CC2D2B: variants seen among roughly 807,000 people sequenced by gnomAD.
The protein encoded by CC2D2B is coiled-coil and C2 domain containing 2B, also known as protein CC2D2B.
Under a neutral mutation model 161.2 loss-of-function variants are expected in CC2D2B, and 128 were observed. The observed-to-expected ratio is 0.79, with a 90% confidence interval of 0.69 to 0.92. The LOEUF (loss-of-function observed/expected upper bound fraction) is 0.92, where lower values mean the gene tolerates loss of function less well. CC2D2B is among the 40% of genes least tolerant of loss of function. CC2D2B has a pLI of 0.00. For missense variants in CC2D2B, 1,173 were observed against 1,375.1 expected, an observed-to-expected ratio of 0.85 and a Z score of 2.32; for synonymous variants, 391 against 449.8, an observed-to-expected ratio of 0.87 and a Z score of 1.65.
At chr10:95,932,637 G>T (rs567659711) in intron 6 of CC2D2B, among the ~76,000 whole-genome samples, 4 of 152,114 alleles carry the variant, frequency 2.6e-5, no homozygotes, top group African/African-American at 9.7e-5. Flanking sequence ...CTTAGCTTAC[G>T]AAGTTTAGTT....
intron 8 of CC2D2B, 22 bp from the exon 9 acceptor site, chr10:95,938,775 T>C: frequency 2.8e-6 from 2 of 705,598 alleles, no homozygotes; most frequent in South Asian, 3.1e-5. Context: ...ATTTAATTAC[T>C]ATACTTAAAT....
At chr10:95,921,731 A>C (rs1166834415) in intron 2 of CC2D2B, 6 of 185,758 alleles carry the variant, frequency 3.2e-5, no homozygotes, top group Non-Finnish European at 5.5e-5. Context: ...CGAATATTTG[A>C]AAAGATGTTC....
chr10:95,913,395 C>A, intron 2 of CC2D2B: 1 of 402,654 alleles, frequency 2.5e-6, no homozygotes, highest in Non-Finnish European at 4.9e-6. Flanking sequence ...GCTTCCAAAT[C>A]TTGGCTCTTG....
intron 9 of CC2D2B, among the ~76,000 whole-genome samples, chr10:95,939,526 G>GGTATGTATAT (rs77887450): frequency 0.3 from 46,211 of 151,838 alleles, 7,616 homozygotes; most frequent in Admixed American, 0.41. Flanking sequence ...CTGGGTTATA[G>GGTATGTATAT]GTTTGTATAT....
chr10:96,019,202 G>T lies in CC2D2B; in HGVS notation c.3631-1G>T. 1 of 1,583,326 alleles carries T rather than the reference G, an allele frequency of 6.3e-7. No individual in the cohort carries two copies. Among genetic ancestry groups the T allele is most frequent in the Non-Finnish European group, 8.6e-7 (1 of 1,169,288 alleles). The stretch of plus-strand genomic sequence containing the variant: ...AAATTACTTTCTTTTTTCTCATACA[G>T]GGGCATGTGGCTTATGTAGTAACTC... On this transcript the variant is annotated splice_acceptor_variant, in intron 30 of 34. Transcript: ENST00000646931. LOFTEE classifies it high-confidence loss of function.
At chr10:95,939,685 G>A (rs1014752877) in intron 9 of CC2D2B, among the ~76,000 whole-genome samples, 7 of 152,190 alleles carry the variant, frequency 4.6e-5, no homozygotes, top group South Asian at 2.1e-4. Flanking sequence ...CCATTCTGAT[G>A]TACATAAGTT....
At chr10:95,976,759 T>C (rs933415596) in intron 17 of CC2D2B, among the ~76,000 whole-genome samples, 2 of 152,230 alleles carry the variant, frequency 1.3e-5, no homozygotes, top group Non-Finnish European at 2.9e-5. Flanking sequence ...GATGCTTTTT[T>C]TTGTTTAAGA....
rs761763271 is a variant in CC2D2B, at chr10:96,032,042, T to TAG, written c.*35_*36dup. 9.3e-6 allele frequency: 14 copies of TAG among 1,511,702 alleles called. No individual in the cohort carries two copies. In the African/African-American group the frequency reaches 1.8e-4, roughly 19 times the overall value. 93.6% of individuals were successfully genotyped at this position (1,511,702 alleles called of 1,614,324 possible). On this transcript the variant is annotated 3_prime_UTR_variant, in exon 35 of 35. Coordinates refer to ENST00000646931, the MANE Select transcript of CC2D2B (RefSeq NM_001349008.3). ...CAGAGCAAAGTAAAAGATTGTACTATAGTCCTCTAGTACCAACAAAAACTT... is the reference window on the plus strand; with the variant it reads ...CAGAGCAAAGTAAAAGATTGTACTATAGAGTCCTCTAGTACCAACAAAAACTT...
At chr10:95,926,736 G>A (rs1041933797) in intron 5 of CC2D2B, among the ~76,000 whole-genome samples, 3 of 151,630 alleles carry the variant, frequency 2.0e-5, no homozygotes, top group African/African-American at 7.3e-5. Context: ...CTTTGTCAGC[G>A]GGTTTACAAC....
intron 3 of CC2D2B, 62 bp downstream of exon 3, chr10:95,922,138 A>G (rs1036694308): frequency 4.4e-6 from 4 of 913,022 alleles, no homozygotes; most frequent in Admixed American, 5.2e-5. Flanking sequence ...GATGTAAATG[A>G]TTAATCCTGT....
chr10:95,981,708 G>A (rs1247893802), intron 17 of CC2D2B, among the ~76,000 whole-genome samples: 1 of 152,046 alleles, frequency 6.6e-6, no homozygotes, highest in Non-Finnish European at 1.5e-5. Context: ...CAATATCGAT[G>A]GCAAAGATGA....
At chr10:95,910,870 GTT>G (rs2098505111) in intron 1 of CC2D2B, among the ~76,000 whole-genome samples, 1 of 151,914 alleles carries the variant, frequency 6.6e-6, no homozygotes, top group Non-Finnish European at 1.5e-5. Context: ...GTATCTTGAA[GTT>G]TTTTTCAGTA....
chr10:96,021,483 C>G (rs562424562), intron 32 of CC2D2B: 1 of 152,328 alleles, frequency 6.6e-6, no homozygotes, highest in East Asian at 1.9e-4. Context: ...GAGGGTGGAA[C>G]CCACATGCCA....
At chr10:95,916,649 C>G (rs1359821879) in intron 2 of CC2D2B, among the ~76,000 whole-genome samples, 2 of 152,090 alleles carry the variant, frequency 1.3e-5, no homozygotes, top group Non-Finnish European at 2.9e-5. Flanking sequence ...CATTGAGCCA[C>G]TGGTCATTCA....
intron 9 of CC2D2B, among the ~76,000 whole-genome samples, chr10:95,939,231 C>T (rs1391384194): frequency 6.6e-6 from 1 of 152,084 alleles, no homozygotes; most frequent in Non-Finnish European, 1.5e-5. Flanking sequence ...ATAACTTCTA[C>T]CACTACGTTA....
chr10:96,015,943 G>A (rs1003997892), intron 29 of CC2D2B, among the ~76,000 whole-genome samples: 14 of 152,244 alleles, frequency 9.2e-5, no homozygotes, highest in South Asian at 2.1e-4. Flanking sequence ...GGTATAAATT[G>A]TCTGGTCACT....
intron 33 of CC2D2B, among the ~76,000 whole-genome samples, chr10:96,025,172 TA>T (rs2079666004): frequency 1.7e-4 from 3 of 17,626 alleles, no homozygotes; most frequent in Non-Finnish European, 3.2e-4. Flanking sequence ...TATATATATA[TA>T]TATATATATA....
At chr10:96,017,740 G>A (rs1411649080) in intron 30 of CC2D2B, among the ~76,000 whole-genome samples, 2 of 150,910 alleles carry the variant, frequency 1.3e-5, no homozygotes, top group African/African-American at 4.9e-5. Flanking sequence ...AGATCAGCCT[G>A]GATAACACAG....
At chr10:95,922,674 A>AT (rs2098529702) in intron 3 of CC2D2B, among the ~76,000 whole-genome samples, 1 of 152,220 alleles carries the variant, frequency 6.6e-6, no homozygotes, top group Non-Finnish European at 1.5e-5. Flanking sequence ...AGGCAAAGTG[A>AT]TCAATAGGTC....
Sources: allele counts gnomAD v4.1 joint callset (sites outside exome capture counted in the v4.1 genomes callset), GRCh38; gene constraint gnomAD v4.1.1; transcripts MANE v1.5; gene names NCBI Gene and HGNC (gene_info 2026-07-23, HGNC 2026-07-21).